Variants in EFR3B observed in about 807,000 individuals in gnomAD.
The protein encoded by EFR3B is EFR3 homolog B, also known as protein EFR3 homolog B.
EFR3B carries 64 observed loss-of-function variants against 104.7 expected under a neutral mutation model. That is an observed-to-expected ratio of 0.61 (90% CI 0.50 to 0.75). EFR3B has a LOEUF of 0.75. Among genes scored for constraint, EFR3B ranks in the 30% least tolerant of loss-of-function variants. The pLI is 0.00. For missense variants in EFR3B, 750 were observed against 1,078.5 expected, an observed-to-expected ratio of 0.70 and a Z score of 4.27; for synonymous variants, 385 against 417.9, an observed-to-expected ratio of 0.92 and a Z score of 0.96.
At position 25,046,506 on chromosome 2, in the gene EFR3B, C is replaced by CTTTTTTTTTTT. The variant is rs531667109; in HGVS notation, c.7+4193_7+4203dup. On this transcript the variant is annotated intron_variant, in intron 1 of 22. Transcript: ENST00000403714. Reference sequence around the variant, plus strand: ...GCAGGCTCCCCCTGAAGTACAAAGTCTTTTTTTTTTTTTTTTGAGACGGAG... The same window carrying CTTTTTTTTTTT: ...GCAGGCTCCCCCTGAAGTACAAAGTCTTTTTTTTTTTTTTTTTTTTTTTTTTTGAGACGGAG... 9.7e-4 allele frequency among the ~76,000 whole-genome samples: 115 copies of CTTTTTTTTTTT among 119,110 alleles called. 1 individual carries two copies. The highest frequency in any genetic ancestry group is 2.8e-3 in the South Asian group (9 of 3,182). The allele number at this position is 119,110 out of a possible 152,430, so 78.1% of individuals were successfully genotyped here.
chr2:25,121,531 T>C, intron 4 of EFR3B, 142 bp from the exon 5 acceptor site: 1 of 929,556 alleles, frequency 1.1e-6, no homozygotes, highest in Non-Finnish European at 1.6e-6. Flanking sequence ...ATCTCCCCAG[T>C]GTGCTCTGCA....
chr2:25,145,199 C>A, intron 19 of EFR3B, 148 bp downstream of exon 19: 1 of 705,724 alleles, frequency 1.4e-6, no homozygotes, highest in Non-Finnish European at 2.5e-6. Context: ...ACTCTCCCCA[C>A]GTATGCGTCA....
intron 6 of EFR3B, 52 bp from the exon 7 acceptor site, chr2:25,129,923 C>G: frequency 6.5e-7 from 1 of 1,545,368 alleles, no homozygotes; most frequent in Non-Finnish European, 8.7e-7. Flanking sequence ...TTGTACAGAG[C>G]CTGACCCCAG....
At chr2:25,144,922 G>A (rs1224778214) in intron 18 of EFR3B, 38 bp from the exon 19 acceptor site, 2 of 1,538,450 alleles carry the variant, frequency 1.3e-6, no homozygotes, top group Non-Finnish European at 1.8e-6. Context: ...GATCTCTGAG[G>A]GCTGGGAACT....
chr2:25,107,009 C>T (rs1669581772), intron 4 of EFR3B, among the ~76,000 whole-genome samples: 1 of 152,088 alleles, frequency 6.6e-6, no homozygotes, highest in African/African-American at 2.4e-5. Flanking sequence ...TCATTGTAAC[C>T]CCTCATTTTG....
intron 1 of EFR3B, among the ~76,000 whole-genome samples, chr2:25,062,958 C>T (rs1476540726): frequency 6.6e-6 from 1 of 152,022 alleles, no homozygotes; most frequent in East Asian, 1.9e-4. Flanking sequence ...AAGTCTCGCT[C>T]TGTCGCCCAG....
At chr2:25,069,208 T>C (rs1000979670) in intron 1 of EFR3B, among the ~76,000 whole-genome samples, 4 of 152,148 alleles carry the variant, frequency 2.6e-5, no homozygotes, top group African/African-American at 9.7e-5. Flanking sequence ...GCGCCTGGCC[T>C]GTACTGGAGT....
chr2:25,079,982 A>G, intron 1 of EFR3B: 1 of 1,052,204 alleles, frequency 9.5e-7, no homozygotes, highest in Non-Finnish European at 1.5e-6. Flanking sequence ...TGAACGTTCT[A>G]GCAGTTTCCT....
Position 25,132,963 on chromosome 2 carries a change from G to A in EFR3B, c.1208G>A (p.Ser403Asn). The A allele has an allele frequency of 2.6e-6, 4 of 1,551,632 alleles. No homozygotes were observed. The highest frequency in any genetic ancestry group is 3.5e-6 in the Non-Finnish European group (4 of 1,146,960). Residue 403 changes from serine (S) to asparagine (N), a missense_variant, in exon 11 of 23, where the codon AGC becomes AAC. Transcript: ENST00000403714. ...QRSEVILFIM[S>N]KVPRPSLHQA... ...TCCGAGGTGATCCTCTTCATCATGA[G>A]CAAGGTCCCGCGGCCATCCCTGCAC...
intron 1 of EFR3B, among the ~76,000 whole-genome samples, chr2:25,047,644 G>A (rs567429165): frequency 2.6e-3 from 396 of 151,778 alleles, no homozygotes; most frequent in African/African-American, 9.1e-3. Flanking sequence ...GATTACAGGC[G>A]TGTGCCACCA....
At chr2:25,073,622 G>A (rs1668554309) in intron 1 of EFR3B, among the ~76,000 whole-genome samples, 1 of 152,056 alleles carries the variant, frequency 6.6e-6, no homozygotes, top group Non-Finnish European at 1.5e-5. Context: ...CTCCCAAAGT[G>A]TTGGCATGAG....
At position 25,158,710 on chromosome 2, in the gene EFR3B, C is replaced by T. The variant is rs906498890; in HGVS notation, c.*4370C>T. ...CCTGTACTTCAGGGGACCATGGGGC[C>T]GCCCAAGCCAGTCACCTTCCCCTTC... is the stretch of plus-strand genomic sequence containing the variant. On this transcript the variant is annotated 3_prime_UTR_variant, in exon 23 of 23. Coordinates refer to ENST00000403714, the MANE Select transcript of EFR3B (RefSeq NM_014971.2). 2.6e-5 allele frequency: 4 copies of T among 152,326 alleles called. No individual in the cohort carries two copies. Among genetic ancestry groups the T allele is most frequent in the South Asian group, 2.1e-4 (1 of 4,826 alleles). 9.4% of individuals were successfully genotyped at this position (152,326 alleles called of 1,614,324 possible).
At chr2:25,067,426 GTT>G (rs111972158) in intron 1 of EFR3B, among the ~76,000 whole-genome samples, 13 of 142,770 alleles carry the variant, frequency 9.1e-5, no homozygotes, top group Non-Finnish European at 1.8e-4. Flanking sequence ...TTTAGTTTTT[GTT>G]TTTTTTTTTT....
chr2:25,132,966 A>C lies in EFR3B; in HGVS notation c.1211A>C (p.Lys404Thr). The C allele has an allele frequency of 6.4e-7, 1 of 1,551,554 alleles. No individual in the cohort carries two copies. The highest frequency in any genetic ancestry group is 2.0e-5 in the Admixed American group (1 of 50,980). ...GAGGTGATCCTCTTCATCATGAGCA[A>C]GGTCCCGCGGCCATCCCTGCACCAG... Reference protein sequence around the residue: ...RSEVILFIMSKVPRPSLHQAV... With the variant: ...RSEVILFIMSTVPRPSLHQAV... Residue 404 changes from lysine to threonine, a missense_variant, in exon 11 of 23, where the codon AAG (lysine) becomes ACG (threonine). Physicochemically the swap from Lys to Thr is moderately conservative, Grantham distance 78 (BLOSUM62 -1). Transcript: ENST00000403714.
At chr2:25,128,479 C>G (rs1670228107) in intron 6 of EFR3B, 147 bp downstream of exon 6, 3 of 1,063,792 alleles carry the variant, frequency 2.8e-6, no homozygotes, top group Non-Finnish European at 4.0e-6. Context: ...GAGTCCAAAG[C>G]TGGCTCCCTA....
At chr2:25,050,814 A>G (rs985970177) in intron 1 of EFR3B, among the ~76,000 whole-genome samples, 1 of 152,240 alleles carries the variant, frequency 6.6e-6, no homozygotes, top group Non-Finnish European at 1.5e-5. Flanking sequence ...AATTAATGAG[A>G]TTGCCTAGGA....
chr2:25,122,306 A>G (rs1670039114), intron 5 of EFR3B, among the ~76,000 whole-genome samples: 1 of 152,236 alleles, frequency 6.6e-6, no homozygotes, highest in African/African-American at 2.4e-5. Context: ...CTTGGGCCAG[A>G]CAAAGGGGCT....
At chr2:25,139,248 CA>C in intron 16 of EFR3B, 58 bp downstream of exon 16, 1 of 1,524,938 alleles carries the variant, frequency 6.6e-7, no homozygotes, top group South Asian at 1.2e-5. Context: ...TTCCTGGGAA[CA>C]GCTTTTCCTT....
In EFR3B at chr2:25,154,460, C is replaced by T. The variant is rs2118404; in HGVS notation, c.*120C>T. ...GAGAAAACATCACCTTAGATGGCAGCGCCTCCCAGGCTAAGCCAAGGTGGA... is the reference window on the plus strand; with the variant it reads ...GAGAAAACATCACCTTAGATGGCAGTGCCTCCCAGGCTAAGCCAAGGTGGA... On this transcript the variant is annotated 3_prime_UTR_variant, in exon 23 of 23. Coordinates refer to ENST00000403714, the MANE Select transcript of EFR3B (RefSeq NM_014971.2). The surrounding 1 kb of genome is among the most constrained non-coding windows in gnomAD (Gnocchi z 4.1). 0.27 allele frequency: 251,304 copies of T among 921,526 alleles called. 40,933 individuals are homozygous for T. The highest frequency in any genetic ancestry group is 0.65 in the East Asian group (23,623 of 36,610). The allele number at this position is 921,526 out of a possible 1,614,324, so 57.1% of individuals were successfully genotyped here.
Sources: allele counts gnomAD v4.1 joint callset (sites outside exome capture counted in the v4.1 genomes callset), GRCh38; gene constraint gnomAD v4.1.1; non-coding constraint Gnocchi (gnomAD v3.1); transcripts MANE v1.5; gene names NCBI Gene and HGNC (gene_info 2026-07-23, HGNC 2026-07-21).